The following PAK5 variants were observed in gnomAD, a reference collection of about 807,000 sequenced individuals.
PAK5 encodes p21 (RAC1) activated kinase 5.
A neutral mutation model predicts 65.9 loss-of-function variants in PAK5; 16 were observed. That is an observed-to-expected ratio of 0.24 (90% CI 0.16 to 0.37). The LOEUF is 0.37. PAK5 is among the 10% of genes least tolerant of loss of function. The probability of loss-of-function intolerance (pLI) is 1.00; values close to 1 mark genes in which losing one functional copy is unlikely to be tolerated. For missense variants in PAK5, 785 were observed against 903.9 expected, an observed-to-expected ratio of 0.87 and a Z score of 1.69; for synonymous variants, 371 against 354.9, an observed-to-expected ratio of 1.05 and a Z score of -0.51.
intron 3 of PAK5, among the ~76,000 whole-genome samples, chr20:9,591,081 T>TAA (rs1243732681): frequency 6.6e-6 from 1 of 152,230 alleles, no homozygotes; most frequent in Non-Finnish European, 1.5e-5. Context: ...TACCATGGAT[T>TAA]AAACACTTGC....
At chr20:9,595,311 A>T (rs1040862893) in intron 3 of PAK5, among the ~76,000 whole-genome samples, 2 of 152,164 alleles carry the variant, frequency 1.3e-5, no homozygotes, top group African/African-American at 4.8e-5. Flanking sequence ...TGACTGAATG[A>T]TGGAGCGTAT....
chr20:9,802,435 C>A (rs905945490), intron 1 of PAK5, among the ~76,000 whole-genome samples: 1 of 151,978 alleles, frequency 6.6e-6, no homozygotes, highest in Non-Finnish European at 1.5e-5. Flanking sequence ...AAGTAGTGTG[C>A]GCACACATCT....
At chr20:9,632,497 A>C (rs2046935156) in intron 3 of PAK5, among the ~76,000 whole-genome samples, 1 of 152,162 alleles carries the variant, frequency 6.6e-6, no homozygotes, top group Non-Finnish European at 1.5e-5. Flanking sequence ...ATAATGAAAG[A>C]CTCTGCAAAG....
intron 1 of PAK5, among the ~76,000 whole-genome samples, chr20:9,728,983 A>G (rs1420431086): frequency 2.0e-5 from 3 of 152,156 alleles, no homozygotes; most frequent in Non-Finnish European, 4.4e-5. Context: ...TTATGGTTAT[A>G]CAATATGTTA....
intron 2 of PAK5, among the ~76,000 whole-genome samples, chr20:9,664,230 C>T (rs1184066549): frequency 1.3e-5 from 2 of 152,154 alleles, no homozygotes; most frequent in Non-Finnish European, 2.9e-5. Context: ...TAGATCCTAA[C>T]CAAGAGTGTA....
chr20:9,552,583 G>A (rs913441783), intron 7 of PAK5, among the ~76,000 whole-genome samples: 1 of 152,070 alleles, frequency 6.6e-6, no homozygotes, highest in African/African-American at 2.4e-5. Context: ...TTATGCCATA[G>A]ATAATAATTG....
rs183813946 is a variant in PAK5 at position 9,788,239 on chromosome 20, G to A, written c.-162+50523C>T. ...CAGACATCTCAACCAGGGAAGCACA[G>A]CAAATGTATCTCCAGTAACAAGGCA... On this transcript the variant is annotated intron_variant, in intron 1 of 9. Transcript: ENST00000353224. 3.9e-4 allele frequency among the ~76,000 whole-genome samples: 59 copies of A among 152,144 alleles called. 1 individual carries two copies. Among genetic ancestry groups the A allele is most frequent in the African/African-American group, 1.2e-3 (50 of 41,518 alleles).
chr20:9,643,151 A>G (rs1244145596), intron 3 of PAK5, among the ~76,000 whole-genome samples: 2 of 152,236 alleles, frequency 1.3e-5, no homozygotes, highest in South Asian at 2.1e-4. Context: ...AACATATTCA[A>G]ATAGCACAGA....
chr20:9,631,353 C>T (rs1211489516), intron 3 of PAK5, among the ~76,000 whole-genome samples: 2 of 152,064 alleles, frequency 1.3e-5, no homozygotes, highest in African/African-American at 4.8e-5. Context: ...GGTTAACTTA[C>T]ATTATATGGC....
chr20:9,833,836 C>A (rs940353928), intron 1 of PAK5, among the ~76,000 whole-genome samples: 2 of 152,152 alleles, frequency 1.3e-5, no homozygotes, highest in Non-Finnish European at 2.9e-5. Flanking sequence ...AATTGTATAG[C>A]TTTCCACAAA....
intron 7 of PAK5, among the ~76,000 whole-genome samples, chr20:9,548,325 C>G (rs1290447562): frequency 6.6e-6 from 1 of 151,838 alleles, no homozygotes; most frequent in Non-Finnish European, 1.5e-5. Context: ...TTTATCAAAT[C>G]TAACATCCTC....
At chr20:9,721,632 T>G (rs1447558704) in intron 1 of PAK5, among the ~76,000 whole-genome samples, 2 of 113,534 alleles carry the variant, frequency 1.8e-5, no homozygotes, top group African/African-American at 7.2e-5. Context: ...CTAGCCTGGG[T>G]GACAGAGCGA....
At chr20:9,665,089 T>TTTTTTTTTG (rs1394639271) in intron 2 of PAK5, among the ~76,000 whole-genome samples, 1 of 140,952 alleles carries the variant, frequency 7.1e-6, no homozygotes, top group Non-Finnish European at 1.5e-5. Flanking sequence ...TTTTCTGTTT[T>TTTTTTTTTG]TTTTTTTTTT....
chr20:9,582,241 C>T (rs182135177), intron 3 of PAK5, among the ~76,000 whole-genome samples: 18 of 152,200 alleles, frequency 1.2e-4, no homozygotes, highest in African/African-American at 3.9e-4. Flanking sequence ...TTCTAGAGTC[C>T]CATCCAGGAT....
chr20:9,802,910 G>GTATATATATATATATATATATACA (rs1555929051), intron 1 of PAK5, among the ~76,000 whole-genome samples: 10 of 46,380 alleles, frequency 2.2e-4, no homozygotes, highest in Admixed American at 1.0e-3. Flanking sequence ...ATATGTATGT[G>GTATATATATATATATATATATACA]TATATATATA....
At chr20:9,835,289 G>A (rs575903084) in intron 1 of PAK5, among the ~76,000 whole-genome samples, 1 of 152,312 alleles carries the variant, frequency 6.6e-6, no homozygotes, top group African/African-American at 2.4e-5. Flanking sequence ...AATAAGTGCT[G>A]TGGAATAAAA....
At chr20:9,681,150 T>C (rs1021695442) in intron 2 of PAK5, among the ~76,000 whole-genome samples, 3 of 152,186 alleles carry the variant, frequency 2.0e-5, no homozygotes, top group Non-Finnish European at 4.4e-5. Flanking sequence ...TTTTTATCTC[T>C]AAAAATGCTT....
chr20:9,738,613 C>T (rs2048417310), intron 1 of PAK5, among the ~76,000 whole-genome samples: 1 of 152,094 alleles, frequency 6.6e-6, no homozygotes, highest in Admixed American at 6.5e-5. Flanking sequence ...GGAAATGCAA[C>T]TTAACATACA....
At chr20:9,782,816 A>G (rs1003534434) in intron 1 of PAK5, among the ~76,000 whole-genome samples, 2 of 152,164 alleles carry the variant, frequency 1.3e-5, no homozygotes, top group Admixed American at 6.6e-5. Flanking sequence ...TGTGATGACT[A>G]TAGGGTCCCA....
Sources: gnomAD v4.1 joint callset for allele counts (sites outside exome capture counted in the v4.1 genomes callset) on GRCh38, gnomAD v4.1.1 for gene constraint, MANE v1.5 for transcripts, NCBI Gene and HGNC (gene_info 2026-07-23, HGNC 2026-07-21) for gene names.